IMMP2L: variants seen among roughly 807,000 people sequenced by gnomAD.
IMMP2L encodes the protein inner mitochondrial membrane peptidase subunit 2, also known as mitochondrial inner membrane protease subunit 2.
Under a neutral mutation model 19.3 loss-of-function variants are expected in IMMP2L, and 18 were observed. That is an observed-to-expected ratio of 0.93 (90% confidence interval 0.64 to 1.38). The LOEUF (loss-of-function observed/expected upper bound fraction) is 1.38. Among genes scored for constraint, IMMP2L ranks in the 40% most tolerant of loss-of-function variants. The pLI, the probability that IMMP2L is intolerant of heterozygous loss-of-function variation, is 0.00. For synonymous variants in IMMP2L, 76 were observed against 73.0 expected (o/e 1.04, Z -0.21); for missense variants, 233 against 218.2 (o/e 1.07, Z -0.43).
chr7:110,777,218 G>A (rs1054929145), intron 5 of IMMP2L, among the ~76,000 whole-genome samples: 3 of 151,946 alleles, frequency 2.0e-5, no homozygotes, highest in African/African-American at 7.2e-5. Context: ...TACCACAGGA[G>A]CCCAGCTCGG....
chr7:111,288,364 G>A (rs2130798937), intron 3 of IMMP2L, among the ~76,000 whole-genome samples: 1 of 152,230 alleles, frequency 6.6e-6, no homozygotes, highest in East Asian at 1.9e-4. Context: ...TGCCATTCAG[G>A]ACACAGGAAT....
chr7:111,497,382 C>T (rs922247442), intron 2 of IMMP2L, among the ~76,000 whole-genome samples: 2 of 152,006 alleles, frequency 1.3e-5, no homozygotes, highest in Admixed American at 1.3e-4. Context: ...AGTCTTTTAG[C>T]TAAAATCAAG....
At chr7:111,292,536 T>A (rs1192465031) in intron 3 of IMMP2L, among the ~76,000 whole-genome samples, 1 of 152,044 alleles carries the variant, frequency 6.6e-6, no homozygotes, top group African/African-American at 2.4e-5. Flanking sequence ...TCTTTTTGTT[T>A]TCCAGAGTAC....
intron 3 of IMMP2L, among the ~76,000 whole-genome samples, chr7:111,281,605 C>G (rs984240565): frequency 3.3e-5 from 5 of 152,194 alleles, no homozygotes; most frequent in Non-Finnish European, 2.9e-5. Flanking sequence ...ATCACCCAAG[C>G]TGACCCAAAA....
chr7:111,454,380 T>C (rs1839498856), intron 3 of IMMP2L, among the ~76,000 whole-genome samples: 1 of 152,144 alleles, frequency 6.6e-6, no homozygotes, highest in African/African-American at 2.4e-5. Context: ...AAAAAGTATA[T>C]ATTTTGTGAT....
Position 110,886,592 on chromosome 7 carries a change from C to A in IMMP2L, c.408+1G>T. 4 of 1,543,644 alleles carry A rather than the reference C, an allele frequency of 2.6e-6. No individual in the cohort carries two copies. The highest frequency in any genetic ancestry group is 3.6e-6 in the Non-Finnish European group (4 of 1,116,106). On this transcript the variant is annotated splice_donor_variant, in intron 5 of 5. Coordinates refer to ENST00000405709, the MANE Select transcript of IMMP2L (RefSeq NM_032549.4). LOFTEE classifies it high-confidence loss of function. ...CAACAAGAAGATAAAAGATGACTTA[C>A]CGGCCCAAAAGAATTACTGTCAAAA... is the stretch of plus-strand genomic sequence containing the variant.
intron 5 of IMMP2L, among the ~76,000 whole-genome samples, chr7:110,795,840 C>G (rs181836934): frequency 3.3e-5 from 5 of 152,020 alleles, no homozygotes; most frequent in Admixed American, 2.0e-4. Context: ...TTTCTTACCC[C>G]CAAGGAGAGC....
At position 111,213,521 on chromosome 7, in the gene IMMP2L, C is replaced by T. The variant is rs934153549; in HGVS notation, c.240-249956G>A. The stretch of plus-strand genomic sequence containing the variant: ...GCCCTCCAGGGGCCAGGCTGCTGGT[C>T]GTGCAAACCAGAATGGGAACTTGTG... On this transcript the variant is annotated intron_variant, in intron 3 of 5. Transcript: ENST00000405709. The surrounding 1 kb of genome is among the most constrained non-coding windows in gnomAD (Gnocchi z 4.8). Among the ~76,000 whole-genome samples the T allele has an allele frequency of 3.9e-5, 6 of 152,132 alleles. No homozygotes were observed. The highest frequency in any genetic ancestry group is 5.9e-5 in the Non-Finnish European group (4 of 68,008).
rs189879558 is a variant in IMMP2L, at chr7:111,422,720, G to C, written c.239+64518C>G. 4.5e-3 allele frequency among the ~76,000 whole-genome samples: 681 copies of C among 151,770 alleles called. 27 individuals are homozygous for C. The highest frequency in any genetic ancestry group is 0.039 in the Admixed American group (596 of 15,262). ...TGAATACCCTTTATTTCTTTCTCTT[G>C]CCTGATTGCCCTGGCCAGAACTTCC... is the stretch of plus-strand genomic sequence containing the variant. On this transcript the variant is annotated intron_variant, in intron 3 of 5. Transcript: ENST00000405709.
intron 4 of IMMP2L, among the ~76,000 whole-genome samples, chr7:110,947,607 T>C (rs888548533): frequency 1.3e-5 from 2 of 152,220 alleles, no homozygotes; most frequent in African/African-American, 2.4e-5. Flanking sequence ...TCATCTCAAA[T>C]AGAAAATCTT....
intron 3 of IMMP2L, among the ~76,000 whole-genome samples, chr7:111,295,641 A>G (rs1340587303): frequency 6.6e-6 from 1 of 151,892 alleles, no homozygotes; most frequent in Non-Finnish European, 1.5e-5. Context: ...TAAAGCCAAC[A>G]AAACTCTCTG....
intron 3 of IMMP2L, among the ~76,000 whole-genome samples, chr7:111,476,419 T>A (rs1278664051): frequency 6.6e-6 from 1 of 152,208 alleles, no homozygotes; most frequent in East Asian, 1.9e-4. Flanking sequence ...ACTGTTTGTA[T>A]TTTTTATTGC....
chr7:111,277,371 T>C (rs1819192202), intron 3 of IMMP2L, among the ~76,000 whole-genome samples: 1 of 151,464 alleles, frequency 6.6e-6, no homozygotes, highest in Non-Finnish European at 1.5e-5. Flanking sequence ...ATCAGAGAAA[T>C]GCAAATTAAA....
At position 111,421,267 on chromosome 7, in the gene IMMP2L, C is replaced by CTTTT. The variant is rs1227013257; in HGVS notation, c.239+65967_239+65970dup. 3.4e-4 allele frequency among the ~76,000 whole-genome samples: 42 copies of CTTTT among 122,908 alleles called. 1 individual carries two copies. Among genetic ancestry groups the CTTTT allele is most frequent in the African/African-American group, 5.7e-4 (18 of 31,486 alleles). The allele number at this position is 122,908 out of a possible 152,430, so 80.6% of individuals were successfully genotyped here. ...TTTTGATGGGGTTGTTTGTTTTTTT[C>CTTTT]TTTTTTTTTTTTTTTTTTTTGAGAC... On this transcript the variant is annotated intron_variant, in intron 3 of 5. Transcript: ENST00000405709.
At chr7:110,746,831 C>T (rs1280161780) in intron 5 of IMMP2L, among the ~76,000 whole-genome samples, 1 of 152,106 alleles carries the variant, frequency 6.6e-6, no homozygotes, top group Non-Finnish European at 1.5e-5. Context: ...CCTGACATCA[C>T]AATTGAAAGA....
chr7:110,918,201 C>A (rs965767094), intron 4 of IMMP2L, among the ~76,000 whole-genome samples: 12 of 152,192 alleles, frequency 7.9e-5, no homozygotes, highest in African/African-American at 2.9e-4. Context: ...TCTCAAAACA[C>A]AGATTATGAA....
At chr7:110,866,147 T>G (rs1243013061) in intron 5 of IMMP2L, among the ~76,000 whole-genome samples, 2 of 151,988 alleles carry the variant, frequency 1.3e-5, no homozygotes, top group African/African-American at 2.4e-5. Context: ...ATCTATTACA[T>G]TTGTTGTTTT....
chr7:111,423,774 C>A (rs1409073312), intron 3 of IMMP2L, among the ~76,000 whole-genome samples: 1 of 151,686 alleles, frequency 6.6e-6, no homozygotes, highest in Non-Finnish European at 1.5e-5. Context: ...CAAACAAATT[C>A]AAAAGCCAGC....
At chr7:110,894,968 T>C (rs1006124590) in intron 4 of IMMP2L, among the ~76,000 whole-genome samples, 4 of 152,202 alleles carry the variant, frequency 2.6e-5, no homozygotes, top group African/African-American at 9.7e-5. Context: ...GGCAACTTTG[T>C]TAAAATTAAT....
Sources: allele counts gnomAD v4.1 joint callset (sites outside exome capture counted in the v4.1 genomes callset), GRCh38; gene constraint gnomAD v4.1.1; non-coding constraint Gnocchi (gnomAD v3.1); transcripts MANE v1.5; gene names NCBI Gene and HGNC (gene_info 2026-07-23, HGNC 2026-07-21).